Variants in IQGAP2 observed in about 807,000 individuals in gnomAD.
The protein encoded by IQGAP2 is ras GTPase-activating-like protein IQGAP2.
IQGAP2 carries 173 observed loss-of-function variants against 201.3 expected under a neutral mutation model. That is an observed-to-expected ratio of 0.86 (90% confidence interval 0.76 to 0.98). IQGAP2 has a LOEUF of 0.98. IQGAP2 is among the 50% of genes least tolerant of loss of function. The pLI is 0.00. For missense variants in IQGAP2, 1,687 were observed against 1,864.8 expected (o/e 0.90, Z 1.76); for synonymous variants, 675 against 673.9 (o/e 1.00, Z -0.03).
At chr5:76,423,783 A>G (rs1399972496) in intron 1 of IQGAP2, among the ~76,000 whole-genome samples, 2 of 152,208 alleles carry the variant, frequency 1.3e-5, no homozygotes, top group Non-Finnish European at 2.9e-5. Context: ...TGAGCTAGTG[A>G]GAGAGGGCAC....
chr5:76,518,761 A>G (rs1366060282), intron 2 of IQGAP2, among the ~76,000 whole-genome samples: 1 of 152,186 alleles, frequency 6.6e-6, no homozygotes, highest in Non-Finnish European at 1.5e-5. Flanking sequence ...CAGCATTTTC[A>G]TCTGATTCCT....
In IQGAP2 at chr5:76,668,847, A is replaced by T; in HGVS notation, c.2843+3A>T. ...ACTGCTCTGGAGGAAGAAATAAAGT[A>T]TGTATACAAATATGTATGTAAAAAT... On this transcript the variant is annotated splice_donor_region_variant and intron_variant, in intron 23 of 35. Coordinates refer to ENST00000274364, the MANE Select transcript of IQGAP2 (RefSeq NM_006633.5). 6.4e-7 allele frequency: 1 copy of T among 1,561,794 alleles called. No individual in the cohort carries two copies. Among genetic ancestry groups the T allele is most frequent in the Non-Finnish European group, 8.7e-7 (1 of 1,146,604 alleles).
At chr5:76,582,398 G>A (rs148557262) in intron 5 of IQGAP2, among the ~76,000 whole-genome samples, 28 of 152,260 alleles carry the variant, frequency 1.8e-4, no homozygotes, top group Non-Finnish European at 4.0e-4. Flanking sequence ...CACAGATAAG[G>A]GAACTGAAAG....
chr5:76,595,185 C>A (rs2150314631), intron 9 of IQGAP2, among the ~76,000 whole-genome samples: 1 of 150,238 alleles, frequency 6.7e-6, no homozygotes, highest in South Asian at 2.1e-4. Context: ...CAAATGCATT[C>A]CATTCATTGC....
intron 12 of IQGAP2, 107 bp downstream of exon 12, chr5:76,606,410 A>C (rs1024835188): frequency 1.1e-6 from 1 of 877,520 alleles, no homozygotes; most frequent in African/African-American, 1.7e-5. Flanking sequence ...GAACTTTGTG[A>C]GAGCAAACTC....
intron 28 of IQGAP2, among the ~76,000 whole-genome samples, chr5:76,680,794 TAAAAAAAAAA>T (rs755958579): frequency 4.3e-5 from 5 of 115,536 alleles, no homozygotes; most frequent in Admixed American, 2.8e-4. Flanking sequence ...TTGTCTCATT[TAAAAAAAAAA>T]AAAAAAAAAA....
intron 1 of IQGAP2, among the ~76,000 whole-genome samples, chr5:76,424,877 T>C (rs1299631288): frequency 6.6e-6 from 1 of 152,094 alleles, no homozygotes; most frequent in Non-Finnish European, 1.5e-5. Context: ...TATAAAGCAC[T>C]CTCACAGAGA....
chr5:76,412,650 C>T (rs570014376), intron 1 of IQGAP2, among the ~76,000 whole-genome samples: 35 of 152,296 alleles, frequency 2.3e-4, no homozygotes, highest in African/African-American at 7.2e-4. Context: ...GCTTGGTATC[C>T]TGGCACTTAG....
intron 28 of IQGAP2, among the ~76,000 whole-genome samples, chr5:76,678,331 G>A (rs1745006514): frequency 6.6e-6 from 1 of 152,018 alleles, no homozygotes; most frequent in African/African-American, 2.4e-5. Context: ...TCAGCCATTA[G>A]CATGTATTAA....
chr5:76,623,690 A>T (rs1358939383), intron 13 of IQGAP2, among the ~76,000 whole-genome samples: 1 of 152,244 alleles, frequency 6.6e-6, no homozygotes, highest in Admixed American at 6.5e-5. Context: ...TGTAATTTCT[A>T]CTTAATAAAT....
chr5:76,606,421 C>A, intron 12 of IQGAP2, 118 bp downstream of exon 12: 1 of 672,256 alleles, frequency 1.5e-6, no homozygotes. Flanking sequence ...GAGCAAACTC[C>A]GCTAATATGC....
At chr5:76,692,917 A>G (rs1746397009) in intron 30 of IQGAP2, among the ~76,000 whole-genome samples, 1 of 152,216 alleles carries the variant, frequency 6.6e-6, no homozygotes, top group African/African-American at 2.4e-5. Context: ...CTAAAGGCTT[A>G]TGAGGTATTA....
Position 76,668,798 on chromosome 5 carries a change from T to A in IQGAP2, c.2797T>A (p.Tyr933Asn). 1 of 1,606,508 alleles carries A rather than the reference T, an allele frequency of 6.2e-7. No homozygotes were observed. The highest frequency in any genetic ancestry group is 8.5e-7 in the Non-Finnish European group (1 of 1,175,978). Residue 933 changes from tyrosine to asparagine, a missense_variant, in exon 23 of 36, where the codon TAT becomes AAT. Tyr to Asn is a moderately radical substitution (Grantham distance 143). Coordinates refer to ENST00000274364, the MANE Select transcript of IQGAP2 (RefSeq NM_006633.5). ...YNYASNQREE[Y>N]LLLKLFKTAL... ...TTATGCCTCTAATCAGCGAGAAGAA[T>A]ATCTACTTCTCAAGCTTTTTAAAAC...
chr5:76,617,080 C>A (rs1208012193), intron 13 of IQGAP2: 1 of 153,542 alleles, frequency 6.5e-6, no homozygotes, highest in Non-Finnish European at 1.5e-5. Flanking sequence ...ATGGAAATGT[C>A]ATTTTCCATA....
intron 12 of IQGAP2, chr5:76,609,258 G>A: frequency 6.5e-7 from 1 of 1,535,130 alleles, no homozygotes; most frequent in Non-Finnish European, 8.7e-7. Context: ...CCCAAGGGGG[G>A]TGACCAGAGA....
In IQGAP2 at chr5:76,600,849, A is replaced by C. The variant is rs1447727914; in HGVS notation, c.1109A>C (p.Glu370Ala). Residue 370 changes from glutamate to alanine, a missense_variant, in exon 11 of 36, where the codon GAA (glutamate) becomes GCA (alanine). By Grantham distance (107) the Glu-to-Ala change is moderately radical. Coordinates refer to ENST00000274364, the MANE Select transcript of IQGAP2 (RefSeq NM_006633.5). ...CACGAGGAGCTTTTGATTGCTGTGGAAATGTTGTCTGCTGTTGCTTTACTA... is the reference window on the plus strand; with the variant it reads ...CACGAGGAGCTTTTGATTGCTGTGGCAATGTTGTCTGCTGTTGCTTTACTA... ...LAHEELLIAV[E>A]MLSAVALLNQ... The C allele has an allele frequency of 1.7e-5, 28 of 1,614,030 alleles. No individual in the cohort carries two copies. Among genetic ancestry groups the C allele is most frequent in the Non-Finnish European group, 2.4e-5 (28 of 1,180,004 alleles).
At chr5:76,541,855 A>G (rs1742798010) in intron 2 of IQGAP2, among the ~76,000 whole-genome samples, 1 of 152,240 alleles carries the variant, frequency 6.6e-6, no homozygotes, top group African/African-American at 2.4e-5. Flanking sequence ...TTCCCCCGCT[A>G]TAAACTCATA....
intron 2 of IQGAP2, among the ~76,000 whole-genome samples, chr5:76,480,717 A>G (rs551002905): frequency 6.6e-6 from 1 of 152,334 alleles, no homozygotes; most frequent in African/African-American, 2.4e-5. Context: ...GCAGGGGGAA[A>G]GAAGTGAGTT....
At chr5:76,610,050 T>TCTCTCTCTCTCTCTCTCTC (rs1748154396) in intron 12 of IQGAP2, among the ~76,000 whole-genome samples, 2 of 19,062 alleles carry the variant, frequency 1.0e-4, no homozygotes, top group Non-Finnish European at 7.9e-5. Flanking sequence ...TGTTCTCTCT[T>TCTCTCTCTCTCTCTCTCTC]TCTCTCTCTC....
Sources: allele counts gnomAD v4.1 joint callset (sites outside exome capture counted in the v4.1 genomes callset), GRCh38; gene constraint gnomAD v4.1.1; transcripts MANE v1.5; gene names NCBI Gene and HGNC (gene_info 2026-07-23, HGNC 2026-07-21).